Variants in PDE8B observed in about 807,000 individuals in gnomAD.
PDE8B encodes the protein phosphodiesterase 8B, also known as high affinity cAMP-specific and IBMX-insensitive 3',5'-cyclic phosphodiesterase 8B.
Under a neutral mutation model 101.3 loss-of-function variants are expected in PDE8B, and 26 were observed. The ratio of observed to expected loss-of-function variants is 0.26; its 90% CI spans 0.19 to 0.36. The LOEUF is 0.36. Ranked by LOEUF, PDE8B falls within the 10% of genes least tolerant of loss-of-function variation. PDE8B has a pLI of 1.00. For missense variants in PDE8B, 810 were observed against 1,163.1 expected (o/e 0.70, Z 4.42); for synonymous variants, 424 against 429.3 (o/e 0.99, Z 0.15).
In PDE8B at chr5:77,273,801, GT is replaced by G. The variant is rs58877999; in HGVS notation, c.340-38183del. ...AGAGAACTTCCAGGTAGTTCCATCT[GT>G]TTTTTTTTTATTTATTTTTTATTTT... On this transcript the variant is annotated intron_variant, in intron 1 of 21. Transcript: ENST00000264917. Among the ~76,000 whole-genome samples, 149 of 148,276 alleles carry G rather than the reference GT, an allele frequency of 1.0e-3. 1 individual carries two copies. Among genetic ancestry groups the G allele is most frequent in the Admixed American group, 2.5e-3 (38 of 14,922 alleles).
At chr5:77,388,778 A>G (rs1230267191) in intron 10 of PDE8B, among the ~76,000 whole-genome samples, 2 of 152,060 alleles carry the variant, frequency 1.3e-5, no homozygotes, top group African/African-American at 4.8e-5. Context: ...CCCAGAGAGG[A>G]GGAATCTAGA....
intron 1 of PDE8B, among the ~76,000 whole-genome samples, chr5:77,248,111 C>T (rs906916181): frequency 3.3e-5 from 5 of 152,214 alleles, no homozygotes; most frequent in African/African-American, 1.2e-4. Flanking sequence ...TCCAAAGTTA[C>T]AGTCACAAAC....
chr5:77,215,977 A>G (rs948407728), intron 1 of PDE8B, among the ~76,000 whole-genome samples: 5 of 152,188 alleles, frequency 3.3e-5, no homozygotes, highest in African/African-American at 1.2e-4. Flanking sequence ...TATTCTATTC[A>G]GGAGGCTGTG....
chr5:77,306,639 G>A (rs1018825329), intron 1 of PDE8B, among the ~76,000 whole-genome samples: 10 of 152,166 alleles, frequency 6.6e-5, no homozygotes, highest in African/African-American at 1.9e-4. Context: ...CTTCCCTCTT[G>A]TCTGAGGAAG....
chr5:77,420,717 C>T (rs962193355), intron 19 of PDE8B, among the ~76,000 whole-genome samples: 16 of 152,108 alleles, frequency 1.1e-4, no homozygotes, highest in African/African-American at 3.6e-4. Context: ...CCCTCTCCTT[C>T]CACAGAAGAC....
chr5:77,355,232 T>G (rs1264059570), intron 10 of PDE8B, among the ~76,000 whole-genome samples: 1 of 152,178 alleles, frequency 6.6e-6, no homozygotes, highest in African/African-American at 2.4e-5. Flanking sequence ...TACCATGAAT[T>G]AGCTGCTGCT....
intron 1 of PDE8B, among the ~76,000 whole-genome samples, chr5:77,266,108 G>A (rs1761662466): frequency 6.6e-6 from 1 of 152,202 alleles, no homozygotes; most frequent in Non-Finnish European, 1.5e-5. Context: ...AAGTACAGTC[G>A]ATCCTCATTT....
At chr5:77,411,797 C>T in intron 15 of PDE8B, 76 bp downstream of exon 15, 1 of 1,156,638 alleles carries the variant, frequency 8.6e-7, no homozygotes, top group East Asian at 2.3e-5. Context: ...GATTATTGTT[C>T]TGGGAGGTGT....
intron 13 of PDE8B, among the ~76,000 whole-genome samples, chr5:77,408,167 A>C (rs1361318382): frequency 6.6e-6 from 1 of 152,192 alleles, no homozygotes; most frequent in African/African-American, 2.4e-5. Context: ...ATAGATCAAG[A>C]AATATTTTGA....
At chr5:77,297,340 C>T (rs1768824858) in intron 1 of PDE8B, among the ~76,000 whole-genome samples, 1 of 152,196 alleles carries the variant, frequency 6.6e-6, no homozygotes, top group South Asian at 2.1e-4. Context: ...ACCACTACTC[C>T]TAGTGTAGAC....
At chr5:77,181,746 T>C in the PDE8B span, among the ~76,000 whole-genome samples, 730 of 152,236 alleles carry the variant, frequency 4.8e-3, 3 homozygotes, top group African/African-American at 0.016. Flanking sequence ...CTGGCTCTGA[T>C]AGTTACAAGT....
chr5:77,266,430 T>C (rs972024765), intron 1 of PDE8B, among the ~76,000 whole-genome samples: 2 of 152,216 alleles, frequency 1.3e-5, no homozygotes, highest in South Asian at 4.1e-4. Context: ...GCCATAGTGC[T>C]GAAGCGCTGT....
chr5:77,359,102 C>T (rs1782643477), intron 10 of PDE8B, among the ~76,000 whole-genome samples: 2 of 152,170 alleles, frequency 1.3e-5, no homozygotes, highest in South Asian at 4.2e-4. Context: ...GTGGGAGGCT[C>T]TGAGGGCACA....
At chr5:77,216,082 G>C (rs1286710546) in intron 1 of PDE8B, among the ~76,000 whole-genome samples, 1 of 152,156 alleles carries the variant, frequency 6.6e-6, no homozygotes, top group Non-Finnish European at 1.5e-5. Context: ...TGATCAGACA[G>C]AGTCTGGGCA....
intron 2 of PDE8B, among the ~76,000 whole-genome samples, chr5:77,314,651 G>A (rs1280569727): frequency 1.3e-5 from 2 of 151,846 alleles, no homozygotes; most frequent in Non-Finnish European, 2.9e-5. Context: ...AATTCCTTAG[G>A]ATTTTCTATG....
intron 1 of PDE8B, among the ~76,000 whole-genome samples, chr5:77,231,304 G>A (rs1753510358): frequency 2.0e-5 from 3 of 152,162 alleles, no homozygotes; most frequent in Admixed American, 6.5e-5. Flanking sequence ...AAGGAAGTAG[G>A]GGAAAGTGTG....
chr5:77,201,878 C>T, the PDE8B span, among the ~76,000 whole-genome samples: 1 of 152,160 alleles, frequency 6.6e-6, no homozygotes, highest in East Asian at 1.9e-4. Flanking sequence ...AATTCTGGAG[C>T]CTAGAAGTCT....
At chr5:77,161,202 A>G in the PDE8B span, among the ~76,000 whole-genome samples, 2 of 152,166 alleles carry the variant, frequency 1.3e-5, no homozygotes, top group African/African-American at 4.8e-5. Context: ...GTCACCTCCA[A>G]AAGTTCTCTT....
the PDE8B span, chr5:77,104,813 G>A: frequency 5.3e-5 from 8 of 152,052 alleles, no homozygotes; most frequent in Non-Finnish European, 8.8e-5. Context: ...AAACATTTTA[G>A]ACATTTTATG....
Sources: gnomAD v4.1 joint callset for allele counts (sites outside exome capture counted in the v4.1 genomes callset) on GRCh38, gnomAD v4.1.1 for gene constraint, MANE v1.5 for transcripts, NCBI Gene and HGNC (gene_info 2026-07-23, HGNC 2026-07-21) for gene names.